GALNT14: variants seen among roughly 807,000 people sequenced by gnomAD.
GALNT14 encodes UDP-GalNAc:polypeptide N-acetylgalactosaminyltransferase 14.
GALNT14 carries 60 observed loss-of-function variants against 77.5 expected under a neutral mutation model. The ratio of observed to expected loss-of-function variants is 0.77; its 90% CI spans 0.63 to 0.96. GALNT14 has a LOEUF of 0.96. Ranked by LOEUF, GALNT14 falls within the 40% of genes least tolerant of loss-of-function variation. The pLI is 0.00. For missense variants in GALNT14, 710 were observed against 731.0 expected (o/e 0.97, Z 0.33); for synonymous variants, 280 against 281.7 (o/e 0.99, Z 0.06).
At chr2:31,020,498 G>T (rs371915914) in intron 1 of GALNT14, among the ~76,000 whole-genome samples, 1 of 152,142 alleles carries the variant, frequency 6.6e-6, no homozygotes, top group Non-Finnish European at 1.5e-5. Flanking sequence ...CCCACCTAAG[G>T]CTAAAATTCA....
chr2:31,063,042 T>G (rs1674705012), intron 1 of GALNT14, among the ~76,000 whole-genome samples: 2 of 152,268 alleles, frequency 1.3e-5, no homozygotes, highest in South Asian at 4.1e-4. Flanking sequence ...TAGTTTCTTT[T>G]GCTGTGCAGA....
At position 31,138,151 on chromosome 2, in the gene GALNT14, TGGCGG is replaced by T. The variant is rs1679314874; in HGVS notation, c.-70_-66del. The T allele has an allele frequency of 6.2e-7, 1 of 1,608,992 alleles. No individual in the cohort carries two copies. Among genetic ancestry groups the T allele is most frequent in the African/African-American group, 1.3e-5 (1 of 74,782 alleles). On this transcript the variant is annotated 5_prime_UTR_variant, in exon 1 of 15. Transcript: ENST00000349752. ...GGGGGCACCCCCCGGCGGTCAGGGT[TGGCGG>T]GGCAGGAGTCCTGGCGAGCGCCTCG...
chr2:30,905,469 A>AAATGAAATG (rs1230662380), downstream of GALNT14, among the ~76,000 whole-genome samples: 2 of 152,110 alleles, frequency 1.3e-5, no homozygotes, highest in Non-Finnish European at 2.9e-5. Flanking sequence ...CAGCGATGGA[A>AAATGAAATG]AATGAAATGA....
intron 9 of GALNT14, among the ~76,000 whole-genome samples, chr2:30,938,814 C>A (rs925091377): frequency 6.6e-6 from 1 of 152,340 alleles, no homozygotes; most frequent in Non-Finnish European, 1.5e-5. Context: ...TCCCAATCAT[C>A]TCATGCGTCT....
intron 1 of GALNT14, among the ~76,000 whole-genome samples, chr2:30,993,581 T>A (rs1669845466): frequency 1.3e-5 from 2 of 152,240 alleles, no homozygotes; most frequent in Non-Finnish European, 1.5e-5. Context: ...ACCACCACCC[T>A]ATCTGTTCCT....
At chr2:31,099,102 G>C (rs928294608) in intron 1 of GALNT14, among the ~76,000 whole-genome samples, 2 of 152,058 alleles carry the variant, frequency 1.3e-5, no homozygotes, top group African/African-American at 4.8e-5. Flanking sequence ...ATATAAGTTA[G>C]TATAGAATAC....
the GALNT14 span, among the ~76,000 whole-genome samples, chr2:30,904,343 G>C: frequency 6.6e-6 from 1 of 152,224 alleles, no homozygotes; most frequent in East Asian, 1.9e-4. Flanking sequence ...GCGCAGGTCA[G>C]TGGCTGCGTG....
chr2:30,929,735 G>T (rs1665613493), intron 10 of GALNT14, among the ~76,000 whole-genome samples: 1 of 152,232 alleles, frequency 6.6e-6, no homozygotes, highest in Non-Finnish European at 1.5e-5. Context: ...TACAAGAAAT[G>T]CTTGGAATCA....
the GALNT14 span, among the ~76,000 whole-genome samples, chr2:30,904,212 G>T: frequency 9.2e-5 from 14 of 152,222 alleles, no homozygotes; most frequent in African/African-American, 3.4e-4. Flanking sequence ...GAGGAGCCAA[G>T]ATGGCCGAAT....
chr2:30,931,842 G>A (rs6749465), intron 10 of GALNT14, among the ~76,000 whole-genome samples: 5,733 of 152,046 alleles, frequency 0.038, 272 homozygotes, highest in East Asian at 0.19. Flanking sequence ...GGGGCCTTCC[G>A]AAGCCTCAGA....
At chr2:30,950,363 A>G (rs891555155) in intron 6 of GALNT14, among the ~76,000 whole-genome samples, 3 of 152,202 alleles carry the variant, frequency 2.0e-5, no homozygotes, top group African/African-American at 7.2e-5. Context: ...GAGGTTTTCA[A>G]TGTGGAAAAC....
At chr2:30,988,951 C>A (rs1007679888) in intron 2 of GALNT14, among the ~76,000 whole-genome samples, 2 of 152,128 alleles carry the variant, frequency 1.3e-5, no homozygotes, top group Non-Finnish European at 2.9e-5. Context: ...CGTGGACTAG[C>A]GGCGTTGGTA....
At chr2:31,017,565 G>A (rs1417581228) in intron 1 of GALNT14, among the ~76,000 whole-genome samples, 1 of 152,154 alleles carries the variant, frequency 6.6e-6, no homozygotes, top group African/African-American at 2.4e-5. Flanking sequence ...TCCAAGTATT[G>A]AGTCAGGGGA....
intron 1 of GALNT14, among the ~76,000 whole-genome samples, chr2:31,116,668 A>G (rs927815248): frequency 6.6e-6 from 1 of 152,222 alleles, no homozygotes; most frequent in Non-Finnish European, 1.5e-5. Context: ...AAAAAATGAC[A>G]TAAACCAAGA....
chr2:30,892,106 C>T, the GALNT14 span, among the ~76,000 whole-genome samples: 8,394 of 152,288 alleles, frequency 0.055, 319 homozygotes, highest in South Asian at 0.13. Flanking sequence ...GCTGCCTAAT[C>T]AGGACACAGC....
chr2:31,053,337 C>T (rs72854824), intron 1 of GALNT14, among the ~76,000 whole-genome samples: 5,273 of 152,162 alleles, frequency 0.035, 306 homozygotes, highest in African/African-American at 0.12. Context: ...ACAGTTATAA[C>T]GCCTGAACCC....
At chr2:30,953,829 C>G (rs934027484) in intron 6 of GALNT14, among the ~76,000 whole-genome samples, 1 of 152,176 alleles carries the variant, frequency 6.6e-6, no homozygotes, top group Non-Finnish European at 1.5e-5. Context: ...ATTCATTTAC[C>G]GGTAGGAAGC....
intron 1 of GALNT14, among the ~76,000 whole-genome samples, chr2:31,085,628 G>A (rs966923342): frequency 6.6e-6 from 1 of 152,164 alleles, no homozygotes; most frequent in African/African-American, 2.4e-5. Flanking sequence ...TTCTCCTCCG[G>A]TATCTCCCTC....
chr2:31,094,051 C>T (rs1447283370), intron 1 of GALNT14, among the ~76,000 whole-genome samples: 1 of 152,252 alleles, frequency 6.6e-6, no homozygotes, highest in Non-Finnish European at 1.5e-5. Context: ...TGCACGTATA[C>T]ATCCAGATGG....
Sources: allele counts gnomAD v4.1 joint callset (sites outside exome capture counted in the v4.1 genomes callset), GRCh38; gene constraint gnomAD v4.1.1; transcripts MANE v1.5; gene names NCBI Gene and HGNC (gene_info 2026-07-23, HGNC 2026-07-21).